The following GPHN variants were observed in gnomAD, a reference collection of about 807,000 sequenced individuals.
GPHN encodes gephyrin.
Under a neutral mutation model 95.5 loss-of-function variants are expected in GPHN, and 17 were observed. The ratio of observed to expected loss-of-function variants is 0.18; its 90% confidence interval spans 0.12 to 0.27. The LOEUF is 0.27. Ranked by LOEUF, GPHN falls within the 10% of genes least tolerant of loss-of-function variation. The pLI is 1.00. For missense variants in GPHN, 660 were observed against 978.1 expected (o/e 0.67, Z 4.34); for synonymous variants, 320 against 322.5 (o/e 0.99, Z 0.08).
At chr14:67,407,992 A>G in the GPHN span, among the ~76,000 whole-genome samples, 4 of 152,142 alleles carry the variant, frequency 2.6e-5, no homozygotes, top group Non-Finnish European at 5.9e-5. Context: ...TCTTGAAAAT[A>G]AAATAAAATA....
chr14:67,612,605 T>C, the GPHN span, among the ~76,000 whole-genome samples: 1 of 152,122 alleles, frequency 6.6e-6, no homozygotes, highest in Non-Finnish European at 1.5e-5. Context: ...AAAAACACTG[T>C]TTAAGAAAAA....
chr14:67,473,765 G>A, the GPHN span: 17 of 1,613,708 alleles, frequency 1.1e-5, no homozygotes, highest in South Asian at 5.5e-5. The surrounding 1 kb of genome is among the most constrained non-coding windows in gnomAD (Gnocchi z 6.5). Flanking sequence ...TGGAGGTGCC[G>A]TAGATGAAGA....
the GPHN span, among the ~76,000 whole-genome samples, chr14:67,216,628 T>G: frequency 1.2e-4 from 18 of 152,200 alleles, no homozygotes; most frequent in Admixed American, 1.1e-3. Context: ...CAGTAAATTT[T>G]TAAATAGCAT....
At chr14:66,882,820 C>A (rs2063991770) in intron 5 of GPHN, among the ~76,000 whole-genome samples, 1 of 149,774 alleles carries the variant, frequency 6.7e-6, no homozygotes. Flanking sequence ...TCACTAGATA[C>A]AGAAATCTGG....
chr14:67,129,756 TAGAAAGAAAGAA>T (rs755911480), intron 17 of GPHN, among the ~76,000 whole-genome samples: 40 of 112,060 alleles, frequency 3.6e-4, no homozygotes, highest in Non-Finnish European at 1.7e-4. Context: ...CATCATTGAC[TAGAAAGAAAGAA>T]AGAAAGAGAG....
At chr14:67,614,593 A>G in the GPHN span, among the ~76,000 whole-genome samples, 4 of 151,098 alleles carry the variant, frequency 2.6e-5, no homozygotes, top group Admixed American at 2.6e-4. Flanking sequence ...ATGAGAACCC[A>G]TCTCTCCAAA....
chr14:67,025,826 A>G (rs2073896125), intron 10 of GPHN, among the ~76,000 whole-genome samples: 2 of 152,202 alleles, frequency 1.3e-5, no homozygotes, highest in Admixed American at 1.3e-4. Context: ...TGACTTAACC[A>G]AGTCCTTAGA....
At position 67,101,741 on chromosome 14, in the gene GPHN, A is replaced by G. The variant is rs1248779527; in HGVS notation, c.1293+830A>G. ...TTACACTCTTTTAGTTTCCTCACTC[A>G]CACCTAATTTTACAGCATTTCTTTT... On this transcript the variant is annotated intron_variant, in intron 13 of 22. Transcript: ENST00000478722. 1.5e-4 allele frequency among the ~76,000 whole-genome samples: 23 copies of G among 151,550 alleles called. 1 individual carries two copies. The highest frequency in any genetic ancestry group is 1.5e-3 in the Admixed American group (23 of 15,238).
chr14:67,432,102 G>A, the GPHN span, among the ~76,000 whole-genome samples: 1 of 152,192 alleles, frequency 6.6e-6, no homozygotes, highest in Admixed American at 6.5e-5. Flanking sequence ...CTATGAATTG[G>A]TAACATCTGC....
chr14:67,181,626 G>A lies in GPHN; in HGVS notation c.*689G>A. ...CTTTTTAACCAATACATTTAAAATT[G>A]TACAGAACAAAAAAATAAAATCAAA... On this transcript the variant is annotated 3_prime_UTR_variant, in exon 23 of 23. Coordinates refer to ENST00000478722, the MANE Select transcript of GPHN (RefSeq NM_020806.5). 1 of 339,262 alleles carries A rather than the reference G, an allele frequency of 2.9e-6. No individual in the cohort carries two copies. Among genetic ancestry groups the A allele is most frequent in the Non-Finnish European group, 5.8e-6 (1 of 173,406 alleles). 21.0% of individuals were successfully genotyped at this position (339,262 alleles called of 1,614,324 possible). A position where few individuals can be genotyped will look rare whatever the true frequency, so the allele number is the denominator to read the frequency against.
chr14:67,072,050 T>C lies in GPHN; in HGVS notation c.1144+13264T>C, dbSNP rs186142176. Among the ~76,000 whole-genome samples, 645 of 152,300 alleles carry C rather than the reference T, an allele frequency of 4.2e-3. 1 individual carries two copies. The highest frequency in any genetic ancestry group is 7.4e-3 in the Non-Finnish European group (504 of 68,000). On this transcript the variant is annotated intron_variant, in intron 11 of 22. Coordinates refer to ENST00000478722, the MANE Select transcript of GPHN (RefSeq NM_020806.5). ...TATTTATAGGTACCTCATTATGTTTTCACATTTTCTATATACATGTCTTAT... is the reference window on the plus strand; with the variant it reads ...TATTTATAGGTACCTCATTATGTTTCCACATTTTCTATATACATGTCTTAT...
the GPHN span, chr14:67,613,686 A>G: frequency 4.6e-6 from 1 of 219,448 alleles, no homozygotes; most frequent in Non-Finnish European, 9.8e-6. Context: ...TGTGTTACCC[A>G]TAAACACTGC....
the GPHN span, among the ~76,000 whole-genome samples, chr14:67,465,492 A>G: frequency 6.6e-6 from 1 of 152,206 alleles, no homozygotes; most frequent in Non-Finnish European, 1.5e-5. Flanking sequence ...TGAAGTAGGG[A>G]GTGAAATGGT....
At chr14:66,831,448 C>A (rs1228424040) in intron 4 of GPHN, among the ~76,000 whole-genome samples, 2 of 152,138 alleles carry the variant, frequency 1.3e-5, no homozygotes, top group Non-Finnish European at 2.9e-5. Flanking sequence ...AATGTTCCAT[C>A]CCTCTACAGT....
At chr14:66,865,287 T>G (rs986816073) in intron 4 of GPHN, among the ~76,000 whole-genome samples, 1 of 152,096 alleles carries the variant, frequency 6.6e-6, no homozygotes, top group African/African-American at 2.4e-5. Context: ...CTTGAGGGGA[T>G]GGATATTCCA....
the GPHN span, chr14:67,586,159 A>G: frequency 1.3e-6 from 2 of 1,573,294 alleles, no homozygotes; most frequent in Non-Finnish European, 8.7e-7. Context: ...TGGAGCTTAG[A>G]AAGGAAACTG....
chr14:67,411,466 T>A, the GPHN span, among the ~76,000 whole-genome samples: 1 of 152,132 alleles, frequency 6.6e-6, no homozygotes, highest in African/African-American at 2.4e-5. Context: ...TGGGTCAACC[T>A]GAGTGGGTCT....
At chr14:66,560,172 G>A (rs1376236885) in intron 1 of GPHN, among the ~76,000 whole-genome samples, 9 of 152,078 alleles carry the variant, frequency 5.9e-5, no homozygotes, top group Middle Eastern at 3.4e-3. Context: ...GTCAGGTAGC[G>A]TGATGCCTCC....
At chr14:67,717,620 T>C in the GPHN span, among the ~76,000 whole-genome samples, 3 of 152,334 alleles carry the variant, frequency 2.0e-5, no homozygotes, top group Non-Finnish European at 1.5e-5. Flanking sequence ...TTTTGCCCCA[T>C]AGTGAACAGC....
Sources: gnomAD v4.1 joint callset for allele counts (sites outside exome capture counted in the v4.1 genomes callset) on GRCh38, gnomAD v4.1.1 for gene constraint, Gnocchi (gnomAD v3.1) non-coding constraint, MANE v1.5 for transcripts, NCBI Gene and HGNC (gene_info 2026-07-23, HGNC 2026-07-21) for gene names.